Variants in PARP12 observed in about 807,000 individuals in gnomAD.
The protein encoded by PARP12 is poly(ADP-ribose) polymerase family member 12.
In PARP12, 59 loss-of-function variants were observed where a neutral mutation model predicts 72.4. That is an observed-to-expected ratio of 0.81 (90% CI 0.66 to 1.01). The LOEUF is 1.01. PARP12 is among the 50% of genes least tolerant of loss of function. The pLI is 0.00. For missense variants in PARP12, 851 were observed against 914.0 expected (o/e 0.93, Z 0.89); for synonymous variants, 403 against 371.4 (o/e 1.09, Z -0.98).
At position 140,024,477 on chromosome 7, in the gene PARP12, G is replaced by C; in HGVS notation, c.*83C>G. 7.4e-7 allele frequency: 1 copy of C among 1,349,880 alleles called. No individual in the cohort carries two copies. The highest frequency in any genetic ancestry group is 1.0e-6 in the Non-Finnish European group (1 of 957,128). The allele number at this position is 1,349,880 out of a possible 1,614,324, so 83.6% of individuals were successfully genotyped here. A position where few individuals can be genotyped will look rare whatever the true frequency, so the allele number is the denominator to read the frequency against. ...ATGTTAAGAGAACAGTTCATTAAAA[G>C]TTTCTGTTTAAAAAGAAAAGGAAAG... is the stretch of plus-strand genomic sequence containing the variant. On this transcript the variant is annotated 3_prime_UTR_variant, in exon 12 of 12. Transcript: ENST00000263549.
rs532640312 is a variant in PARP12 at position 140,051,453 on chromosome 7, C to T, written c.862+3209G>A. Among the ~76,000 whole-genome samples, 18 of 151,694 alleles carry T rather than the reference C, an allele frequency of 1.2e-4. 1 individual carries two copies. The highest frequency in any genetic ancestry group is 5.8e-4 in the East Asian group (3 of 5,132). On this transcript the variant is annotated intron_variant, in intron 4 of 11. Coordinates refer to ENST00000263549, the MANE Select transcript of PARP12 (RefSeq NM_022750.4). Reference sequence around the variant, plus strand: ...TCGCCCAGGCTGGAGTGCAGTGGCACGGTCTCGGCTCACCGCAACCTCCAC... The same window carrying T: ...TCGCCCAGGCTGGAGTGCAGTGGCATGGTCTCGGCTCACCGCAACCTCCAC...
intron 2 of PARP12, chr7:140,057,413 G>A (rs1237196352): frequency 3.8e-6 from 2 of 528,682 alleles, no homozygotes; most frequent in Non-Finnish European, 6.7e-6. Context: ...AGTGACTAGA[G>A]CTGCTCCTTT....
intron 4 of PARP12, 41 bp from the exon 5 acceptor site, chr7:140,047,048 C>G (rs1816761458): frequency 6.3e-7 from 1 of 1,578,670 alleles, no homozygotes; most frequent in Non-Finnish European, 8.6e-7. Flanking sequence ...CTGGGCAATA[C>G]ACAGCATGCC....
chr7:140,056,100 T>C (rs760906819), intron 3 of PARP12, among the ~76,000 whole-genome samples: 6 of 152,240 alleles, frequency 3.9e-5, no homozygotes, highest in African/African-American at 7.2e-5. Context: ...TGGCTGATAC[T>C]GTGAAATCCA....
At chr7:140,062,139 G>A (rs1381735630) in intron 1 of PARP12, among the ~76,000 whole-genome samples, 1 of 152,152 alleles carries the variant, frequency 6.6e-6, no homozygotes, top group Non-Finnish European at 1.5e-5. Context: ...CAGCTGCTGG[G>A]CAGAGAAAAC....
intron 6 of PARP12, among the ~76,000 whole-genome samples, chr7:140,040,810 C>A (rs1816433659): frequency 6.6e-6 from 1 of 152,242 alleles, no homozygotes; most frequent in Non-Finnish European, 1.5e-5. Context: ...TTCGCCCAGG[C>A]TGGAGTACAG....
At chr7:140,054,402 A>G (rs1817097617) in intron 4 of PARP12, among the ~76,000 whole-genome samples, 1 of 152,228 alleles carries the variant, frequency 6.6e-6, no homozygotes, top group African/African-American at 2.4e-5. Context: ...CCAAGGCTCA[A>G]TACTTGACAC....
At chr7:140,055,150 A>G (rs560005363) in intron 3 of PARP12, among the ~76,000 whole-genome samples, 2 of 152,314 alleles carry the variant, frequency 1.3e-5, no homozygotes, top group African/African-American at 4.8e-5. Flanking sequence ...GGGGAGAACC[A>G]TTGTCTTACA....
At position 140,030,292 on chromosome 7, in the gene PARP12, T is replaced by C. The variant is rs974391192; in HGVS notation, c.1422-1604A>G. Among the ~76,000 whole-genome samples the C allele has an allele frequency of 1.9e-4, 29 of 152,220 alleles. 1 individual carries two copies. The highest frequency in any genetic ancestry group is 1.8e-3 in the Admixed American group (28 of 15,276). On this transcript the variant is annotated intron_variant, in intron 8 of 11. Transcript: ENST00000263549. Reference sequence around the variant, plus strand: ...TACCCAGTGAAAATTTCCTTCAAGATTGATGGCAAAATAAATACATGTTGG... The same window carrying C: ...TACCCAGTGAAAATTTCCTTCAAGACTGATGGCAAAATAAATACATGTTGG...
At position 140,030,825 on chromosome 7, in the gene PARP12, T is replaced by C. The variant is rs1815914934; in HGVS notation, c.1422-2137A>G. Among the ~76,000 whole-genome samples the C allele has an allele frequency of 2.0e-5, 3 of 152,338 alleles. No individual in the cohort carries two copies. The South Asian group carries it at 6.2e-4, about 32-fold the overall frequency. On this transcript the variant is annotated intron_variant, in intron 8 of 11. Coordinates refer to ENST00000263549, the MANE Select transcript of PARP12 (RefSeq NM_022750.4). Reference sequence around the variant, plus strand: ...TTTATTCTTTTAGTTCAGCTATCGTTAGTGTTAGTGTATTTTATGTGTGGA... The same window carrying C: ...TTTATTCTTTTAGTTCAGCTATCGTCAGTGTTAGTGTATTTTATGTGTGGA...
chr7:140,033,029 A>T, intron 8 of PARP12: 2 of 212,244 alleles, frequency 9.4e-6, no homozygotes, highest in Non-Finnish European at 1.6e-5. Context: ...TTGGCTCACT[A>T]CGGCCTTGAC....
chr7:140,026,469 A>C (rs1585079196), intron 10 of PARP12, 121 bp from the exon 11 acceptor site: 1 of 1,349,438 alleles, frequency 7.4e-7, no homozygotes, highest in East Asian at 2.4e-5. Flanking sequence ...CAAGAGACGC[A>C]GGTCACAGGC....
At chr7:140,058,716 G>A (rs891362518) in intron 1 of PARP12, among the ~76,000 whole-genome samples, 9 of 152,106 alleles carry the variant, frequency 5.9e-5, no homozygotes, top group African/African-American at 1.7e-4. Flanking sequence ...TTATGGCAGC[G>A]CTGGCAAACT....
intron 6 of PARP12, chr7:140,038,389 G>A (rs1816309960): frequency 1.2e-6 from 1 of 838,318 alleles, no homozygotes; most frequent in African/African-American, 1.8e-5. Context: ...AAATCTCGTA[G>A]CTTCAGCTGG....
At chr7:140,029,114 A>T (rs1163898777) in intron 8 of PARP12, 1 of 153,142 alleles carries the variant, frequency 6.5e-6, no homozygotes, top group Non-Finnish European at 1.5e-5. Flanking sequence ...AGAAAATATG[A>T]AATAAAACAT....
At chr7:140,041,508 C>T (rs1816466382) in intron 6 of PARP12, 136 bp downstream of exon 6, 1 of 806,814 alleles carries the variant, frequency 1.2e-6, no homozygotes, top group Non-Finnish European at 1.9e-6. Context: ...TCTCCCAAAG[C>T]AAGTGAGCCA....
Position 140,042,066 on chromosome 7 carries a change from A to G in PARP12, c.987-227T>C, listed in dbSNP as rs375376979. 8.3e-4 allele frequency among the ~76,000 whole-genome samples: 126 copies of G among 152,346 alleles called. No individual in the cohort carries two copies. In the Middle Eastern group the frequency reaches 0.01, roughly 12 times the overall value. On this transcript the variant is annotated intron_variant, in intron 5 of 11. Transcript: ENST00000263549. ...ACTAGTTATGACGAAAATTCCTCTC[A>G]GTACAAAATGCCGAAGATGCTGGTG...
intron 4 of PARP12, among the ~76,000 whole-genome samples, chr7:140,051,251 G>A (rs1816945971): frequency 6.6e-6 from 1 of 152,154 alleles, no homozygotes; most frequent in Non-Finnish European, 1.5e-5. Context: ...GCTCCATCAA[G>A]TTCAGGACAC....
chr7:140,057,335 A>T, intron 2 of PARP12, 182 bp from the exon 3 acceptor site: 1 of 648,782 alleles, frequency 1.5e-6, no homozygotes, highest in Non-Finnish European at 2.6e-6. Flanking sequence ...CTTGGCTAAA[A>T]GGGGAACGAA....
Sources: allele counts gnomAD v4.1 joint callset (sites outside exome capture counted in the v4.1 genomes callset), GRCh38; gene constraint gnomAD v4.1.1; transcripts MANE v1.5; gene names NCBI Gene and HGNC (gene_info 2026-07-23, HGNC 2026-07-21).